Variants in RASGRF1 observed in about 807,000 individuals in gnomAD.
The protein encoded by RASGRF1 is Ras protein specific guanine nucleotide releasing factor 1, also known as ras-specific guanine nucleotide-releasing factor 1.
Under a neutral mutation model 138.7 loss-of-function variants are expected in RASGRF1, and 40 were observed. The ratio of observed to expected loss-of-function variants is 0.29; its 90% CI spans 0.22 to 0.38. RASGRF1 has a LOEUF of 0.38. Ranked by LOEUF, RASGRF1 falls within the 10% of genes least tolerant of loss-of-function variation. The pLI is 1.00. For synonymous variants in RASGRF1, 614 were observed against 663.2 expected, an observed-to-expected ratio of 0.93 and a Z score of 1.14; for missense variants, 1,108 against 1,650.4, an observed-to-expected ratio of 0.67 and a Z score of 5.69.
At chr15:79,016,916 G>A (rs1017741040) in intron 12 of RASGRF1, among the ~76,000 whole-genome samples, 1 of 152,154 alleles carries the variant, frequency 6.6e-6, no homozygotes, top group Non-Finnish European at 1.5e-5. Flanking sequence ...AGACCATGGG[G>A]GGCCACCAAC....
rs974741668 is a variant in RASGRF1 at position 78,960,812 on chromosome 15, C to T, written c.*1332G>A. On this transcript the variant is annotated 3_prime_UTR_variant, in exon 27 of 27. Coordinates refer to ENST00000558480, the MANE Select transcript of RASGRF1 (RefSeq NM_001145648.3). ...AAAAGCAGGTATGGTGTCCTTGACA[C>T]TCTGGATCTCCGGTCCCAGGCTGGG... The T allele has an allele frequency of 2.0e-5, 3 of 152,216 alleles. No individual in the cohort carries two copies. The highest frequency in any genetic ancestry group is 4.8e-5 in the African/African-American group (2 of 41,448). The allele number at this position is 152,216 out of a possible 1,614,324, so 9.4% of individuals were successfully genotyped here.
chr15:79,015,423 G>C lies in RASGRF1; in HGVS notation c.1744-14C>G. 2 of 1,608,426 alleles carry C rather than the reference G, an allele frequency of 1.2e-6. No individual in the cohort carries two copies. Among genetic ancestry groups the C allele is most frequent in the Non-Finnish European group, 8.5e-7 (1 of 1,174,758 alleles). On this transcript the variant is annotated splice_polypyrimidine_tract_variant and intron_variant, in intron 12 of 26. Coordinates refer to ENST00000558480, the MANE Select transcript of RASGRF1 (RefSeq NM_001145648.3). Reference sequence around the variant, plus strand: ...GTTATCCACACACTGGAATCAGAGAGAGGACCCCAGGGTCAGAGCTCTCCA... The same window carrying C: ...GTTATCCACACACTGGAATCAGAGACAGGACCCCAGGGTCAGAGCTCTCCA...
chr15:78,993,980 G>A (rs2056336276), intron 20 of RASGRF1, among the ~76,000 whole-genome samples: 1 of 152,204 alleles, frequency 6.6e-6, no homozygotes, highest in African/African-American at 2.4e-5. Flanking sequence ...TCTCAACCCG[G>A]ATCTGCCCCA....
chr15:79,058,200 T>A (rs768816522), intron 3 of RASGRF1, 134 bp downstream of exon 3: 71 of 1,344,518 alleles, frequency 5.3e-5, no homozygotes, highest in Admixed American at 6.7e-5. Context: ...CACCACGTCC[T>A]AAGTTTGGAG....
chr15:79,001,633 A>G (rs761406121), intron 16 of RASGRF1, 29 bp downstream of exon 16: 24 of 1,609,746 alleles, frequency 1.5e-5, no homozygotes, highest in South Asian at 7.7e-5. Flanking sequence ...CTGGAAATCT[A>G]TTTGTGGTTT....
intron 1 of RASGRF1, among the ~76,000 whole-genome samples, chr15:79,088,795 C>T (rs1176799137): frequency 2.0e-5 from 3 of 152,214 alleles, no homozygotes; most frequent in Non-Finnish European, 4.4e-5. Flanking sequence ...CACATGAGTT[C>T]CCCAGGCTCC....
intron 1 of RASGRF1, among the ~76,000 whole-genome samples, chr15:79,069,225 T>A (rs1287365760): frequency 6.6e-6 from 1 of 152,178 alleles, no homozygotes; most frequent in Non-Finnish European, 1.5e-5. Context: ...AACAGACACA[T>A]GAATGCTTCA....
At chr15:79,026,622 C>T (rs1216572579) in intron 9 of RASGRF1, among the ~76,000 whole-genome samples, 1 of 152,184 alleles carries the variant, frequency 6.6e-6, no homozygotes, top group African/African-American at 2.4e-5. Flanking sequence ...GCAGAATCCA[C>T]TCATTTTGTC....
intron 8 of RASGRF1, among the ~76,000 whole-genome samples, chr15:79,029,271 A>G (rs1435058669): frequency 6.6e-6 from 1 of 152,070 alleles, no homozygotes; most frequent in Non-Finnish European, 1.5e-5. Context: ...TTTGAGAGGG[A>G]GGCACCTCTG....
At chr15:79,020,511 G>A (rs1441976987) in intron 10 of RASGRF1, among the ~76,000 whole-genome samples, 1 of 152,252 alleles carries the variant, frequency 6.6e-6, no homozygotes, top group Non-Finnish European at 1.5e-5. Flanking sequence ...CAGGAAGACA[G>A]AGGCTGGTCT....
At chr15:79,047,711 A>G (rs182631396) in intron 4 of RASGRF1, among the ~76,000 whole-genome samples, 36 of 152,270 alleles carry the variant, frequency 2.4e-4, no homozygotes, top group Admixed American at 3.9e-4. Flanking sequence ...TGTTGGCAAG[A>G]ACTTGGGAAA....
At chr15:78,989,814 C>G (rs1056640875) in intron 22 of RASGRF1, among the ~76,000 whole-genome samples, 24 of 152,174 alleles carry the variant, frequency 1.6e-4, no homozygotes, top group Non-Finnish European at 2.1e-4. Context: ...CATTCCTTTC[C>G]TTCTAATCCT....
intron 12 of RASGRF1, among the ~76,000 whole-genome samples, chr15:79,017,293 C>T (rs942838511): frequency 9.2e-5 from 14 of 152,170 alleles, no homozygotes; most frequent in African/African-American, 3.4e-4. Context: ...AGGTAGCTGC[C>T]CCGACTCACT....
intron 1 of RASGRF1, among the ~76,000 whole-genome samples, chr15:79,083,297 G>A (rs1482451271): frequency 6.6e-6 from 1 of 152,204 alleles, no homozygotes; most frequent in East Asian, 1.9e-4. Flanking sequence ...TCGCCCTCAC[G>A]GAAGTGTTTG....
intron 18 of RASGRF1, 64 bp from the exon 19 acceptor site, chr15:78,998,272 G>C (rs2056439870): frequency 7.4e-7 from 1 of 1,357,472 alleles, no homozygotes; most frequent in Admixed American, 1.8e-5. Context: ...AGTGGTCTGG[G>C]CCCAGGCCAG....
intron 5 of RASGRF1, among the ~76,000 whole-genome samples, chr15:79,043,487 T>C (rs1051704225): frequency 6.6e-6 from 1 of 152,238 alleles, no homozygotes; most frequent in Non-Finnish European, 1.5e-5. Flanking sequence ...GATCCTTCAG[T>C]GCCTGTAAGA....
intron 20 of RASGRF1, among the ~76,000 whole-genome samples, chr15:78,994,954 G>C (rs2056359505): frequency 6.7e-6 from 1 of 149,980 alleles, no homozygotes; most frequent in Admixed American, 6.6e-5. Flanking sequence ...TGAGATGGGG[G>C]TCTCACTCTG....
chr15:79,027,935 G>A lies in RASGRF1; in HGVS notation c.1263-76C>T, dbSNP rs1407679692. On this transcript the variant is annotated intron_variant, in intron 8 of 26. Transcript: ENST00000558480. The surrounding 1 kb of genome is among the most constrained non-coding windows in gnomAD (Gnocchi z 4.8). ...AGGGAGGCGAGAATGCCAGGCTTCT[G>A]GCCAGACCTAGGAAGAAAGCCTGGC... The A allele has an allele frequency of 7.0e-7, 1 of 1,438,032 alleles. No homozygotes were observed. Among genetic ancestry groups the A allele is most frequent in the Non-Finnish European group, 9.7e-7 (1 of 1,025,712 alleles). The allele number at this position is 1,438,032 out of a possible 1,614,324, so 89.1% of individuals were successfully genotyped here. A position where few individuals can be genotyped will look rare whatever the true frequency, so the allele number is the denominator to read the frequency against.
intron 1 of RASGRF1, among the ~76,000 whole-genome samples, chr15:79,090,015 T>A (rs1279963631): frequency 6.6e-6 from 1 of 152,018 alleles, no homozygotes; most frequent in Non-Finnish European, 1.5e-5. Context: ...CCACATCTAC[T>A]CCCCGCCCTC....
Sources: allele counts gnomAD v4.1 joint callset (sites outside exome capture counted in the v4.1 genomes callset), GRCh38; gene constraint gnomAD v4.1.1; non-coding constraint Gnocchi (gnomAD v3.1); transcripts MANE v1.5; gene names NCBI Gene and HGNC (gene_info 2026-07-23, HGNC 2026-07-21).